The following PPFIBP2 variants were observed in gnomAD, a reference collection of about 807,000 sequenced individuals.
PPFIBP2 encodes PPFIB scaffold protein 2.
Under a neutral mutation model 118.3 loss-of-function variants are expected in PPFIBP2, and 118 were observed. That is an observed-to-expected ratio of 1.00 (90% CI 0.86 to 1.16). The LOEUF (loss-of-function observed/expected upper bound fraction) is 1.16, where lower values mean the gene tolerates loss of function less well. Among genes scored for constraint, PPFIBP2 ranks in the 50% most tolerant of loss-of-function variants. The probability of loss-of-function intolerance (pLI) is 0.00; values close to 1 mark genes in which losing one functional copy is unlikely to be tolerated. For missense variants in PPFIBP2, 1,195 were observed against 1,073.1 expected, an observed-to-expected ratio of 1.11 and a Z score of -1.59; for synonymous variants, 414 against 397.4, an observed-to-expected ratio of 1.04 and a Z score of -0.50.
At chr11:7,600,293 C>T (rs1167699942) in intron 5 of PPFIBP2, among the ~76,000 whole-genome samples, 2 of 152,196 alleles carry the variant, frequency 1.3e-5, no homozygotes, top group South Asian at 2.1e-4. Context: ...CTTTTGAGTT[C>T]CCAGATCTAA....
intron 12 of PPFIBP2, among the ~76,000 whole-genome samples, chr11:7,634,167 T>C (rs1266081465): frequency 6.6e-6 from 1 of 152,204 alleles, no homozygotes; most frequent in Admixed American, 6.5e-5. Context: ...CTTTTGACAC[T>C]GTAGACCTTG....
At chr11:7,661,065 T>C (rs1412243268), downstream of PPFIBP2, among the ~76,000 whole-genome samples, 2 of 152,060 alleles carry the variant, frequency 1.3e-5, no homozygotes, top group Admixed American at 1.3e-4. Context: ...TTGCTAGCAG[T>C]CTATCAATTT....
intron 3 of PPFIBP2, chr11:7,577,598 G>A: frequency 2.2e-6 from 1 of 456,620 alleles, no homozygotes; most frequent in South Asian, 1.5e-5. Context: ...AGCATGGATG[G>A]GGACATTGAT....
chr11:7,579,883 C>T (rs1281601913), intron 3 of PPFIBP2, among the ~76,000 whole-genome samples: 1 of 151,864 alleles, frequency 6.6e-6, no homozygotes, highest in Non-Finnish European at 1.5e-5. Flanking sequence ...ATGTCATTGG[C>T]AGTGTGATAA....
At position 7,625,832 on chromosome 11, in the gene PPFIBP2, G is replaced by A. The variant is rs144468110; in HGVS notation, c.767G>A (p.Arg256His). 37 of 1,614,218 alleles carry A rather than the reference G, an allele frequency of 2.3e-5. No individual in the cohort carries two copies. The highest frequency in any genetic ancestry group is 2.2e-4 in the East Asian group (10 of 44,882). The change falls in exon 8 of 24, where the codon CGT (arginine) becomes CAT (histidine). Residue 256 changes from arginine to histidine, a missense_variant. Arg to His is a conservative substitution (Grantham distance 29). Coordinates refer to ENST00000299492, the MANE Select transcript of PPFIBP2 (RefSeq NM_003621.5). ...GCCCTGAAAGATGCAGAAATTGAGC[G>A]TCTGCACAGCCAGCTCTCCCGGACA... ...QVALKDAEIE[R>H]LHSQLSRTAA...
At chr11:7,577,320 C>CGTGTGTGTGCGT (rs777893863) in intron 3 of PPFIBP2, 441 of 219,780 alleles carry the variant, frequency 2.0e-3, no homozygotes, top group African/African-American at 0.012. Context: ...CATGTATGTG[C>CGTGTGTGTGCGT]GTGTGTGTGT....
intron 13 of PPFIBP2, among the ~76,000 whole-genome samples, chr11:7,634,900 A>G (rs2135804947): frequency 6.6e-6 from 1 of 152,270 alleles, no homozygotes. Context: ...GAAGATCTTG[A>G]CTACTAGTCC....
At position 7,526,938 on chromosome 11, in the gene PPFIBP2, C is replaced by T. The variant is rs573206181; in HGVS notation, c.-37+12817C>T. Among the ~76,000 whole-genome samples the T allele has an allele frequency of 5.3e-5, 8 of 152,118 alleles. No individual in the cohort carries two copies. The East Asian group carries it at 1.6e-3, about 30-fold the overall frequency. On this transcript the variant is annotated intron_variant, in intron 1 of 23. Transcript: ENST00000299492. Reference sequence around the variant, plus strand: ...TGAAAGCTGTTTTAGACTCACTTGCCACCCCTTGAAGATTTTGAGAACACA... The same window carrying T: ...TGAAAGCTGTTTTAGACTCACTTGCTACCCCTTGAAGATTTTGAGAACACA...
rs148211685 is a variant in PPFIBP2, at chr11:7,554,688, T to C, written c.64+5149T>C. Among the ~76,000 whole-genome samples, 580 of 152,186 alleles carry C rather than the reference T, an allele frequency of 3.8e-3. 10 individuals carry two copies. Among genetic ancestry groups the C allele is most frequent in the Non-Finnish European group, 7.2e-4 (49 of 68,010 alleles). On this transcript the variant is annotated intron_variant, in intron 2 of 23. Transcript: ENST00000299492. ...GGAGGTGTGAGAGAGAGAAATTGGT[T>C]CTTGTAAATGCAAAAAGAAATGCCT...
chr11:7,610,453 A>T, intron 6 of PPFIBP2, 31 bp downstream of exon 6: 1 of 1,602,378 alleles, frequency 6.2e-7, no homozygotes, highest in Non-Finnish European at 8.5e-7. Context: ...TCCTAAGCTC[A>T]GACCTGGGAA....
chr11:7,647,779 T>A (rs1853331155), intron 17 of PPFIBP2, among the ~76,000 whole-genome samples: 1 of 152,238 alleles, frequency 6.6e-6, no homozygotes, highest in African/African-American at 2.4e-5. Context: ...ATACTTCTTG[T>A]TCTTATTTAT....
intron 17 of PPFIBP2, among the ~76,000 whole-genome samples, chr11:7,645,014 A>G (rs367841761): frequency 0.15 from 18,455 of 124,064 alleles, 2,160 homozygotes; most frequent in African/African-American, 0.34. Flanking sequence ...GCGACAGAGC[A>G]AGACTCCGTC....
At chr11:7,617,771 A>G (rs1024741458) in intron 6 of PPFIBP2, among the ~76,000 whole-genome samples, 2 of 152,232 alleles carry the variant, frequency 1.3e-5, no homozygotes, top group African/African-American at 4.8e-5. Context: ...AAAATAAAAT[A>G]CAAGTTTTCA....
intron 9 of PPFIBP2, 75 bp downstream of exon 9, chr11:7,628,421 G>T: frequency 7.4e-7 from 1 of 1,345,120 alleles, no homozygotes. Flanking sequence ...GCTGGTCTCT[G>T]ATATTCTGGA....
chr11:7,554,901 T>C (rs989648040), intron 2 of PPFIBP2, among the ~76,000 whole-genome samples: 1 of 151,986 alleles, frequency 6.6e-6, no homozygotes, highest in Non-Finnish European at 1.5e-5. Context: ...AGGATCTTTG[T>C]CAATAATGAC....
At position 7,633,867 on chromosome 11, in the gene PPFIBP2, A is replaced by G. The variant is rs531293472; in HGVS notation, c.1137-628A>G. Among the ~76,000 whole-genome samples, 15 of 152,338 alleles carry G rather than the reference A, an allele frequency of 9.8e-5. No homozygotes were observed. In the South Asian group the frequency reaches 2.9e-3, roughly 29 times the overall value. On this transcript the variant is annotated intron_variant, in intron 12 of 23. Coordinates refer to ENST00000299492, the MANE Select transcript of PPFIBP2 (RefSeq NM_003621.5). The stretch of plus-strand genomic sequence containing the variant: ...ATGACTTACTCGTATAATCTGAGAA[A>G]TATGACTGCCAAGGAGACTTGGCAC...
At chr11:7,571,937 T>A (rs1352170804) in intron 3 of PPFIBP2, 1 of 152,234 alleles carries the variant, frequency 6.6e-6, no homozygotes, top group African/African-American at 2.4e-5. Context: ...GCTTTTAATT[T>A]TTCTTTTTCA....
Position 7,651,713 on chromosome 11 carries a change from C to T in PPFIBP2, c.2305C>T (p.Gln769Ter), listed in dbSNP as rs1457802104. ...TLAMLLNIPP[Q>*]KTLLRRHLTT... is the part of the protein sequence containing the mutation. ...GGCTATGCTTCTCAACATCCCCCCA[C>T]AAAAGACGCTCCTCAGGCGCCACCT... Residue 769 changes from glutamine (Q) to a stop codon, truncating the protein, a stop_gained, in exon 23 of 24, where the codon CAA becomes TAA. Transcript: ENST00000299492. LOFTEE classifies it high-confidence loss of function. 6.2e-7 allele frequency: 1 copy of T among 1,613,914 alleles called. No individual in the cohort carries two copies. The highest frequency in any genetic ancestry group is 8.5e-7 in the Non-Finnish European group (1 of 1,179,762).
chr11:7,542,031 C>A (rs775216081), intron 1 of PPFIBP2, among the ~76,000 whole-genome samples: 1 of 152,198 alleles, frequency 6.6e-6, no homozygotes, highest in Middle Eastern at 3.2e-3. Context: ...TTCACTGCTG[C>A]GTCCCCTGCA....
Sources: gnomAD v4.1 joint callset for allele counts (sites outside exome capture counted in the v4.1 genomes callset) on GRCh38, gnomAD v4.1.1 for gene constraint, MANE v1.5 for transcripts, NCBI Gene and HGNC (gene_info 2026-07-23, HGNC 2026-07-21) for gene names.